The following UBE2W variants were observed in gnomAD, a reference collection of about 807,000 sequenced individuals.
UBE2W encodes the protein ubiquitin conjugating enzyme E2 W.
UBE2W carries 18 observed loss-of-function variants against 27.2 expected under a neutral mutation model. The ratio of observed to expected loss-of-function variants is 0.66; its 90% confidence interval spans 0.46 to 0.98. The LOEUF (loss-of-function observed/expected upper bound fraction) is 0.98. Ranked by LOEUF, UBE2W falls within the 50% of genes least tolerant of loss-of-function variation. UBE2W has a pLI of 0.00. For missense variants in UBE2W, 90 were observed against 180.2 expected, an observed-to-expected ratio of 0.50 and a Z score of 2.87; for synonymous variants, 53 against 57.2, an observed-to-expected ratio of 0.93 and a Z score of 0.33.
chr8:73,798,976 A>C (rs1017354627), intron 5 of UBE2W, among the ~76,000 whole-genome samples: 4 of 152,012 alleles, frequency 2.6e-5, no homozygotes, highest in Non-Finnish European at 4.4e-5. Flanking sequence ...TATTCAAAGC[A>C]TAAGAATCCC....
intron 3 of UBE2W, among the ~76,000 whole-genome samples, chr8:73,815,939 G>A (rs1361944461): frequency 6.6e-6 from 1 of 152,154 alleles, no homozygotes; most frequent in Non-Finnish European, 1.5e-5. Context: ...CAAGCAATCA[G>A]TTTATTGTTG....
At chr8:73,860,256 C>T (rs1020239964) in intron 1 of UBE2W, among the ~76,000 whole-genome samples, 1 of 152,124 alleles carries the variant, frequency 6.6e-6, no homozygotes, top group East Asian at 1.9e-4. Context: ...GAAGCTTACC[C>T]TGATTTTTAA....
intron 3 of UBE2W, among the ~76,000 whole-genome samples, chr8:73,822,602 CAAAAAAAAAAAAAAA>C (rs67427702): frequency 3.3e-4 from 17 of 51,224 alleles, no homozygotes; most frequent in East Asian, 2.1e-3. Flanking sequence ...CTTGCAACTG[CAAAAAAAAAAAAAAA>C]AAAAAAAAAA....
chr8:73,862,445 T>A (rs1214561101), intron 1 of UBE2W, among the ~76,000 whole-genome samples: 3 of 152,166 alleles, frequency 2.0e-5, no homozygotes, highest in Non-Finnish European at 2.9e-5. Context: ...TTTCTCAGGT[T>A]AAACGTTAGA....
chr8:73,853,212 A>G (rs1811150596), intron 1 of UBE2W, among the ~76,000 whole-genome samples: 1 of 152,310 alleles, frequency 6.6e-6, no homozygotes, highest in East Asian at 1.9e-4. Context: ...CAGAACTGTA[A>G]GGATTAAATT....
intron 1 of UBE2W, among the ~76,000 whole-genome samples, chr8:73,866,287 AAAAATATATATATAT>A (rs1382887385): frequency 2.2e-4 from 23 of 103,970 alleles, no homozygotes; most frequent in South Asian, 3.0e-4. Flanking sequence ...AAAAAAAAAA[AAAAATATATATATAT>A]ATATATATAT....
intron 3 of UBE2W, among the ~76,000 whole-genome samples, chr8:73,816,477 A>G (rs1031366814): frequency 2.6e-5 from 4 of 152,226 alleles, no homozygotes; most frequent in Non-Finnish European, 4.4e-5. Flanking sequence ...GGATCTCTGC[A>G]AAGAATGAAT....
chr8:73,829,866 T>C (rs1810001915), intron 2 of UBE2W, among the ~76,000 whole-genome samples: 1 of 152,176 alleles, frequency 6.6e-6, no homozygotes, highest in African/African-American at 2.4e-5. Flanking sequence ...GGAGGATAAA[T>C]TATTTTAGAT....
intron 1 of UBE2W, among the ~76,000 whole-genome samples, chr8:73,856,304 C>G (rs952135605): frequency 1.3e-5 from 2 of 150,792 alleles, no homozygotes; most frequent in Non-Finnish European, 1.5e-5. Flanking sequence ...CCCCTCCCCA[C>G]TTTCTACCTT....
chr8:73,847,957 T>C (rs1342140554), intron 1 of UBE2W, among the ~76,000 whole-genome samples: 2 of 150,810 alleles, frequency 1.3e-5, no homozygotes, highest in African/African-American at 4.9e-5. Context: ...ATCCCAGCAC[T>C]TTGGGAGGCT....
intron 5 of UBE2W, among the ~76,000 whole-genome samples, chr8:73,804,327 CT>C (rs1808777246): frequency 6.7e-6 from 1 of 149,884 alleles, no homozygotes; most frequent in South Asian, 2.1e-4. Context: ...AGGCAATACT[CT>C]TATGTATACA....
At chr8:73,803,567 C>T (rs868822794) in intron 5 of UBE2W, among the ~76,000 whole-genome samples, 9 of 152,138 alleles carry the variant, frequency 5.9e-5, no homozygotes, top group African/African-American at 2.2e-4. Context: ...CCCTTCCCAC[C>T]CCCACAATCA....
intron 1 of UBE2W, among the ~76,000 whole-genome samples, chr8:73,856,138 T>C (rs1049372109): frequency 1.3e-5 from 2 of 152,174 alleles, no homozygotes; most frequent in African/African-American, 4.8e-5. Flanking sequence ...TTGGTTTTAG[T>C]ACAAACTGTT....
chr8:73,833,356 TAATAA>T (rs1810169166), intron 1 of UBE2W, among the ~76,000 whole-genome samples: 1 of 151,720 alleles, frequency 6.6e-6, no homozygotes, highest in Admixed American at 6.6e-5. Context: ...AAGAAAATAT[TAATAA>T]AATTTTAAAT....
chr8:73,790,663 C>T lies in UBE2W; in HGVS notation c.*3439G>A, dbSNP rs1463110449. ...AAAATTTTTGTAACACACAGTACCT[C>T]CTCTTCTCTTCTATTTTTAGGAAGA... On this transcript the variant is annotated 3_prime_UTR_variant, in exon 6 of 6. Coordinates refer to ENST00000602593, the MANE Select transcript of UBE2W (RefSeq NM_018299.6). The T allele has an allele frequency of 1.0e-5, 10 of 982,666 alleles. No homozygotes were observed. The Admixed American group carries it at 4.9e-4, about 48-fold the overall frequency. The allele number at this position is 982,666 out of a possible 1,614,324, so 60.9% of individuals were successfully genotyped here. A position where few individuals can be genotyped will look rare whatever the true frequency, so the allele number is the denominator to read the frequency against.
downstream of UBE2W, among the ~76,000 whole-genome samples, chr8:73,785,648 A>ACCTC (rs1422703770): frequency 1.3e-5 from 2 of 152,002 alleles, no homozygotes; most frequent in African/African-American, 4.8e-5. Context: ...CTGGAGTGCA[A>ACCTC]TGGCATGATC....
intron 5 of UBE2W, among the ~76,000 whole-genome samples, chr8:73,805,448 C>A (rs1432121529): frequency 2.1e-3 from 3 of 1,420 alleles, no homozygotes; most frequent in Admixed American, 0.013. Flanking sequence ...GAGCAAAACT[C>A]CATCTCAAAA....
Position 73,817,260 on chromosome 8 carries a change from G to A in UBE2W, c.211-6631C>T, listed in dbSNP as rs567724578. Among the ~76,000 whole-genome samples, 413 of 152,220 alleles carry A rather than the reference G, an allele frequency of 2.7e-3. 1 individual carries two copies. Among genetic ancestry groups the A allele is most frequent in the African/African-American group, 9.6e-3 (398 of 41,548 alleles). On this transcript the variant is annotated intron_variant, in intron 3 of 5. Coordinates refer to ENST00000602593, the MANE Select transcript of UBE2W (RefSeq NM_018299.6). ...GGAGAATCACTTGAACCCAGAAGGC[G>A]GAGGTTGCGATGAGCCAAGATCATG...
At chr8:73,825,653 T>C (rs1809806187) in intron 2 of UBE2W, among the ~76,000 whole-genome samples, 2 of 151,970 alleles carry the variant, frequency 1.3e-5, no homozygotes, top group South Asian at 2.1e-4. Context: ...ATACAAAAAT[T>C]AGCCGGGCAT....
Sources: gnomAD v4.1 joint callset for allele counts (sites outside exome capture counted in the v4.1 genomes callset) on GRCh38, gnomAD v4.1.1 for gene constraint, MANE v1.5 for transcripts, NCBI Gene and HGNC (gene_info 2026-07-23, HGNC 2026-07-21) for gene names.